The following CTIF variants were observed in gnomAD, a reference collection of about 807,000 sequenced individuals.
The protein encoded by CTIF is cap binding complex dependent translation initiation factor, also known as CBP80/20-dependent translation initiation factor.
CTIF carries 21 observed loss-of-function variants against 66.0 expected under a neutral mutation model. That is an observed-to-expected ratio of 0.32 (90% CI 0.23 to 0.46). CTIF has a LOEUF of 0.46. Ranked by LOEUF, CTIF falls within the 20% of genes least tolerant of loss-of-function variation. The pLI is 1.00. For synonymous variants in CTIF, 345 were observed against 326.4 expected (o/e 1.06, Z -0.62); for missense variants, 739 against 812.7 (o/e 0.91, Z 1.10).
chr18:48,801,617 G>A (rs1158131635), intron 9 of CTIF, among the ~76,000 whole-genome samples: 3 of 152,218 alleles, frequency 2.0e-5, no homozygotes, highest in African/African-American at 7.2e-5. Context: ...AGCATTTCAA[G>A]GGGTTTTCTC....
chr18:48,740,516 T>A (rs2092544654), intron 7 of CTIF, among the ~76,000 whole-genome samples: 1 of 152,248 alleles, frequency 6.6e-6, no homozygotes, highest in Non-Finnish European at 1.5e-5. Context: ...TCACCCAGGC[T>A]GCAAGTCCCA....
At chr18:48,747,172 G>T (rs576343476) in intron 7 of CTIF, among the ~76,000 whole-genome samples, 2 of 152,218 alleles carry the variant, frequency 1.3e-5, no homozygotes, top group African/African-American at 4.8e-5. Flanking sequence ...AGATCTCAGG[G>T]GAGAGGCCAG....
intron 3 of CTIF, among the ~76,000 whole-genome samples, chr18:48,652,167 A>C (rs2091166761): frequency 6.6e-6 from 1 of 152,304 alleles, no homozygotes; most frequent in African/African-American, 2.4e-5. Context: ...GACGCAAAAA[A>C]CCCTTCAAAA....
intron 7 of CTIF, among the ~76,000 whole-genome samples, chr18:48,725,080 A>G (rs1356716552): frequency 1.3e-5 from 2 of 152,230 alleles, no homozygotes; most frequent in African/African-American, 2.4e-5. Context: ...GGTGGTGTGC[A>G]TGTTTGGTCT....
intron 3 of CTIF, among the ~76,000 whole-genome samples, chr18:48,659,366 T>C (rs8094634): frequency 0.56 from 85,823 of 152,058 alleles, 27,307 homozygotes; most frequent in East Asian, 0.85. Flanking sequence ...ACTGCTCTCC[T>C]CCATGTGTCC....
intron 3 of CTIF, among the ~76,000 whole-genome samples, chr18:48,651,895 A>T (rs1041664186): frequency 6.6e-6 from 1 of 152,254 alleles, no homozygotes; most frequent in African/African-American, 2.4e-5. Flanking sequence ...GAAGGCAGAA[A>T]TAAAGATGTT....
At position 48,812,734 on chromosome 18, in the gene CTIF, A is replaced by G. The variant is rs149509242; in HGVS notation, c.1372-4487A>G. On this transcript the variant is annotated intron_variant, in intron 9 of 11. Coordinates refer to ENST00000256413, the MANE Select transcript of CTIF (RefSeq NM_014772.3). ...GCACCACTGCACTGCAGCCTGGGCA[A>G]CAAAGCGAGACCCTGTCTCAAAAAA... is the stretch of plus-strand genomic sequence containing the variant. Among the ~76,000 whole-genome samples the G allele has an allele frequency of 6.5e-4, 99 of 151,318 alleles. 1 individual carries two copies. The East Asian group carries it at 0.018, about 28-fold the overall frequency.
intron 6 of CTIF, among the ~76,000 whole-genome samples, chr18:48,690,167 C>G (rs1362778714): frequency 6.6e-6 from 1 of 152,140 alleles, no homozygotes; most frequent in South Asian, 2.1e-4. Flanking sequence ...CCACCCCACC[C>G]CGTCCTTCAC....
chr18:48,833,155 C>T (rs2068731023), intron 10 of CTIF, among the ~76,000 whole-genome samples: 1 of 152,188 alleles, frequency 6.6e-6, no homozygotes, highest in Non-Finnish European at 1.5e-5. Flanking sequence ...AGGTGGCTTG[C>T]CTGGCTGGAG....
intron 6 of CTIF, among the ~76,000 whole-genome samples, chr18:48,709,530 C>T (rs1202228092): frequency 6.6e-6 from 1 of 152,258 alleles, no homozygotes; most frequent in African/African-American, 2.4e-5. Flanking sequence ...TGGCCAGTTC[C>T]CTCTGCCCGG....
At chr18:48,833,519 G>T (rs892595263) in intron 10 of CTIF, among the ~76,000 whole-genome samples, 1 of 152,072 alleles carries the variant, frequency 6.6e-6, no homozygotes. Context: ...CTCCTTGGAC[G>T]TTCCTAAAGC....
chr18:48,841,854 T>A (rs775859231), intron 10 of CTIF, among the ~76,000 whole-genome samples: 5 of 152,038 alleles, frequency 3.3e-5, no homozygotes, highest in Non-Finnish European at 7.4e-5. Context: ...GATTCCAGAC[T>A]GTTTCCTTCT....
intron 10 of CTIF, among the ~76,000 whole-genome samples, chr18:48,829,856 C>A (rs2068654452): frequency 6.6e-6 from 1 of 152,260 alleles, no homozygotes; most frequent in Non-Finnish European, 1.5e-5. Flanking sequence ...TATCCACCTG[C>A]TGCCATTCTT....
At chr18:48,713,671 G>A (rs1424311311) in intron 7 of CTIF, among the ~76,000 whole-genome samples, 2 of 152,184 alleles carry the variant, frequency 1.3e-5, no homozygotes, top group Non-Finnish European at 2.9e-5. Context: ...TGGGGCCAGG[G>A]AAGAGGAGGC....
rs573779940 is a variant in CTIF at position 48,622,381 on chromosome 18, G to T, written c.180+2636G>T. 4.6e-4 allele frequency among the ~76,000 whole-genome samples: 70 copies of T among 152,146 alleles called. 1 individual carries two copies. The East Asian group carries it at 0.01, about 22-fold the overall frequency. On this transcript the variant is annotated intron_variant, in intron 2 of 11. Coordinates refer to ENST00000256413, the MANE Select transcript of CTIF (RefSeq NM_014772.3). ...GCTGGGTGTGAGCATGGGAGTGTGT[G>T]GGGGAGAGGGAGAGGCCAGGAGGAG...
chr18:48,598,169 G>A lies in CTIF; in HGVS notation c.-28-21369G>A, dbSNP rs1386038493. Among the ~76,000 whole-genome samples the A allele has an allele frequency of 2.6e-5, 4 of 152,212 alleles. No individual in the cohort carries two copies. The South Asian group carries it at 8.3e-4, about 31-fold the overall frequency. ...TGAGGGTAATGGGGAGTTGGCGGAG[G>A]CTCTGATGGTCTTACCAGGGCTCCA... On this transcript the variant is annotated intron_variant, in intron 1 of 11. Coordinates refer to ENST00000256413, the MANE Select transcript of CTIF (RefSeq NM_014772.3).
chr18:48,669,819 A>AAGC (rs2091498291), intron 5 of CTIF, among the ~76,000 whole-genome samples: 1 of 116,420 alleles, frequency 8.6e-6, no homozygotes, highest in Non-Finnish European at 1.8e-5. Context: ...ATATATATAT[A>AAGC]TATATATATA....
chr18:48,593,087 C>T (rs577258067), intron 1 of CTIF, among the ~76,000 whole-genome samples: 3 of 152,296 alleles, frequency 2.0e-5, no homozygotes, highest in South Asian at 2.1e-4. Flanking sequence ...TGGGCATCAT[C>T]AGGGGGCTCT....
chr18:48,559,359 C>A (rs1028972924), intron 1 of CTIF, among the ~76,000 whole-genome samples: 1 of 152,024 alleles, frequency 6.6e-6, no homozygotes, highest in South Asian at 2.1e-4. Context: ...TCCTACCACC[C>A]CCCCCAATCC....
Sources: gnomAD v4.1 joint callset for allele counts (sites outside exome capture counted in the v4.1 genomes callset) on GRCh38, gnomAD v4.1.1 for gene constraint, MANE v1.5 for transcripts, NCBI Gene and HGNC (gene_info 2026-07-23, HGNC 2026-07-21) for gene names.